SVIL: variants seen among roughly 807,000 people sequenced by gnomAD.
The protein encoded by SVIL is archvillin.
In SVIL, 101 loss-of-function variants were observed where a neutral mutation model predicts 240.4. That is an observed-to-expected ratio of 0.42 (90% CI 0.36 to 0.50). The LOEUF (loss-of-function observed/expected upper bound fraction) is 0.50, where lower values mean the gene tolerates loss of function less well. Ranked by LOEUF, SVIL falls within the 20% of genes least tolerant of loss-of-function variation. The pLI is 0.01. For missense variants in SVIL, 2,512 were observed against 2,818.7 expected, an observed-to-expected ratio of 0.89 and a Z score of 2.46; for synonymous variants, 999 against 1,100.0, an observed-to-expected ratio of 0.91 and a Z score of 1.82.
At chr10:29,660,284 G>A (rs369208955) in intron 2 of SVIL, among the ~76,000 whole-genome samples, 1 of 152,044 alleles carries the variant, frequency 6.6e-6, no homozygotes, top group South Asian at 2.1e-4. Flanking sequence ...GCTCCAGCTC[G>A]GGCAACAAAG....
rs539279893 is a variant in SVIL, at chr10:29,521,829, T to C, written c.3389+581A>G. On this transcript the variant is annotated intron_variant, in intron 16 of 37. Coordinates refer to ENST00000355867, the MANE Select transcript of SVIL (RefSeq NM_021738.3). ...GAAAGAAATTAGGCTACTGTGTTAT[T>C]TGATGCTGAAATGCAATCTTTCAAG... is the stretch of plus-strand genomic sequence containing the variant. Among the ~76,000 whole-genome samples, 12 of 152,364 alleles carry C rather than the reference T, an allele frequency of 7.9e-5. No homozygotes were observed. In the East Asian group the frequency reaches 1.7e-3, roughly 22 times the overall value.
intron 28 of SVIL, 150 bp from the exon 29 acceptor site, chr10:29,480,963 GCTGCATTTCCAGAAAGA>G: frequency 1.0e-6 from 1 of 995,326 alleles, no homozygotes; most frequent in Non-Finnish European, 1.5e-6. Flanking sequence ...TCAGGGAAAG[GCTGCATTTCCAGAAAGA>G]CTCTGGGAGG....
At chr10:29,559,730 C>T (rs761920293) in intron 3 of SVIL, among the ~76,000 whole-genome samples, 1 of 152,198 alleles carries the variant, frequency 6.6e-6, no homozygotes, top group Non-Finnish European at 1.5e-5. Flanking sequence ...CGGAGTGGTA[C>T]TACTGTGGCA....
chr10:29,499,438 T>C (rs1437489375), intron 17 of SVIL, among the ~76,000 whole-genome samples, 175 bp from the exon 18 acceptor site: 3 of 152,198 alleles, frequency 2.0e-5, no homozygotes, highest in African/African-American at 7.2e-5. Flanking sequence ...TACGTCCAGG[T>C]TGGGTGGAGA....
At chr10:29,575,523 T>G (rs1334080992) in intron 1 of SVIL, 1 of 153,078 alleles carries the variant, frequency 6.5e-6, no homozygotes, top group African/African-American at 2.4e-5. Flanking sequence ...AAGTAAACTA[T>G]AAATTCTGAT....
intron 1 of SVIL, among the ~76,000 whole-genome samples, chr10:29,710,215 G>A (rs552103586): frequency 9.5e-4 from 145 of 152,064 alleles, no homozygotes; most frequent in African/African-American, 3.2e-3. Flanking sequence ...CACCATGCCC[G>A]GCTACCTTTT....
intron 20 of SVIL, 30 bp from the exon 21 acceptor site, chr10:29,493,421 G>A (rs1477689808): frequency 1.9e-6 from 3 of 1,610,396 alleles, no homozygotes; most frequent in Admixed American, 3.3e-5. Flanking sequence ...AGACATAAGA[G>A]TTTTATAAAA....
chr10:29,498,446 A>G (rs1237366628), intron 18 of SVIL, among the ~76,000 whole-genome samples: 1 of 152,170 alleles, frequency 6.6e-6, no homozygotes, highest in Admixed American at 6.5e-5. Flanking sequence ...ATGGGAAAAG[A>G]CCAAAATTTG....
At chr10:29,462,511 A>G (rs1588774928) in intron 35 of SVIL, 110 bp from the exon 36 acceptor site, 2 of 1,430,456 alleles carry the variant, frequency 1.4e-6, no homozygotes, top group Non-Finnish European at 9.5e-7. Flanking sequence ...TCATGCTTAA[A>G]ATGCAAGTTA....
chr10:29,467,764 T>C lies in SVIL; in HGVS notation c.5955A>G (p.Lys1985=). The C allele has an allele frequency of 3.1e-6, 5 of 1,614,168 alleles. No homozygotes were observed. Among genetic ancestry groups the C allele is most frequent in the Non-Finnish European group, 4.2e-6 (5 of 1,180,026 alleles). The change falls in exon 33 of 38, where the codon AAA becomes AAG. Residue 1985 remains lysine, a synonymous_variant. Transcript: ENST00000355867. ...FWDALGRRDR[K]AYDCMLQDPG... is the part of the protein sequence containing the mutation. Reference sequence around the variant, plus strand: ...TACCTTGAAGCATGCAATCGTAGGCTTTCCTGTCTCTCCTTCCTAAGGCAT... The same window carrying C: ...TACCTTGAAGCATGCAATCGTAGGCCTTCCTGTCTCTCCTTCCTAAGGCAT...
chr10:29,656,120 C>T lies in SVIL; in HGVS notation c.-201+1849G>A, dbSNP rs376494783. Among the ~76,000 whole-genome samples, 54 of 151,326 alleles carry T rather than the reference C, an allele frequency of 3.6e-4. 1 individual carries two copies. In the Middle Eastern group the frequency reaches 0.014, roughly 39 times the overall value. Reference sequence around the variant, plus strand: ...TCCTGACCTCATGATCTGCCTGCCTCGGCCTCCCAAAGTGCTGGTATTACA... The same window carrying T: ...TCCTGACCTCATGATCTGCCTGCCTTGGCCTCCCAAAGTGCTGGTATTACA... On this transcript the variant is annotated intron_variant, in intron 3 of 35. Coordinates refer to the SVIL transcript ENST00000375400.
At position 29,509,330 on chromosome 10, in the gene SVIL, GGAGAGAGAGAGAGAGA is replaced by G. The variant is rs66616602; in HGVS notation, c.3516+3389_3516+3404del. Among the ~76,000 whole-genome samples, 394 of 66,914 alleles carry G rather than the reference GGAGAGAGAGAGAGAGA, an allele frequency of 5.9e-3. 8 individuals are homozygous for G. The highest frequency in any genetic ancestry group is 6.8e-3 in the Admixed American group (35 of 5,184). The allele number at this position is 66,914 out of a possible 152,430, so 43.9% of individuals were successfully genotyped here. On this transcript the variant is annotated intron_variant, in intron 17 of 37. Coordinates refer to ENST00000355867, the MANE Select transcript of SVIL (RefSeq NM_021738.3). ...GAGAGAAAGGGAGAAGGAGGGGGAGGGAGAGAGAGAGAGAGAGAGAGAGAGAGAGAGAGAGAGAGAG... is the reference window on the plus strand; with the variant it reads ...GAGAGAAAGGGAGAAGGAGGGGGAGGGAGAGAGAGAGAGAGAGAGAGAGAG...
rs752643282 is a variant in SVIL at position 29,524,563 on chromosome 10, G to A, written c.2495C>T (p.Ala832Val). 1.4e-5 allele frequency: 22 copies of A among 1,613,908 alleles called. No homozygotes were observed. The highest frequency in any genetic ancestry group is 1.2e-4 in the Admixed American group (7 of 59,986). The change falls in exon 14 of 38, where the codon GCG (alanine) becomes GTG (valine). Residue 832 changes from alanine (A) to valine (V), a missense_variant. Ala to Val is a moderately conservative substitution (Grantham distance 64). This residue lies in a region of SVIL where 1,443 missense variants were observed against 1,486.6 expected (regional missense o/e 0.97). Transcript: ENST00000355867. Reference sequence around the variant, plus strand: ...GTCTATTCTGTTCCGGGTAGAAATCGCTTTTGAGACTGGCTGGGACAATTT... The same window carrying A: ...GTCTATTCTGTTCCGGGTAGAAATCACTTTTGAGACTGGCTGGGACAATTT... Reference protein sequence around the residue: ...FNKLSQPVSKAISTRNRIDTR... With the variant: ...FNKLSQPVSKVISTRNRIDTR...
chr10:29,634,328 G>A (rs532950034), intron 1 of SVIL, 92 bp downstream of exon 1: 26 of 151,824 alleles, frequency 1.7e-4, no homozygotes, highest in African/African-American at 6.3e-4. Flanking sequence ...CAGGAAACAT[G>A]CTCAGACAGA....
chr10:29,495,844 A>T (rs1948403769), intron 18 of SVIL, among the ~76,000 whole-genome samples: 1 of 152,196 alleles, frequency 6.6e-6, no homozygotes, highest in Admixed American at 6.5e-5. Flanking sequence ...GAAAGGGAGG[A>T]ATTCCTGCAT....
intron 16 of SVIL, among the ~76,000 whole-genome samples, chr10:29,513,146 T>C (rs1949971214): frequency 6.6e-6 from 1 of 152,244 alleles, no homozygotes; most frequent in Non-Finnish European, 1.5e-5. Context: ...GTCTGTTCCT[T>C]GGCCTTGGGC....
intron 1 of SVIL, among the ~76,000 whole-genome samples, chr10:29,620,367 A>G (rs935400289): frequency 6.6e-6 from 1 of 152,116 alleles, no homozygotes; most frequent in Non-Finnish European, 1.5e-5. Flanking sequence ...GGGGAGAGAG[A>G]GCAAAAGGAA....
rs751113886 is a variant in SVIL, at chr10:29,462,332, G to A, written c.6347C>T (p.Thr2116Ile). 2.0e-5 allele frequency: 32 copies of A among 1,614,198 alleles called. No individual in the cohort carries two copies. In the Admixed American group the frequency reaches 5.2e-4, roughly 26 times the overall value. ...IHAGLEPLTF[T>I]NMFPSWEHRE... ...GTGCTCCCAGCTGGGAAACATATTGGTGAATGTCAGGGGCTCCAGACCAGC... is the reference window on the plus strand; with the variant it reads ...GTGCTCCCAGCTGGGAAACATATTGATGAATGTCAGGGGCTCCAGACCAGC... Residue 2116 changes from threonine (T) to isoleucine (I), a missense_variant, in exon 36 of 38, where the codon ACC becomes ATC. By Grantham distance (89) the Thr-to-Ile change is moderately conservative (BLOSUM62 -1). This residue lies in a region of SVIL where 797 missense variants were observed against 925.3 expected (regional missense o/e 0.86). Transcript: ENST00000355867.
chr10:29,578,212 A>G (rs895199375), intron 1 of SVIL, among the ~76,000 whole-genome samples: 7 of 152,226 alleles, frequency 4.6e-5, no homozygotes, highest in Non-Finnish European at 8.8e-5. Context: ...CACAACTCAG[A>G]GATAACTCTG....
Sources: allele counts gnomAD v4.1 joint callset (sites outside exome capture counted in the v4.1 genomes callset), GRCh38; gene constraint gnomAD v4.1.1; regional missense constraint gnomAD v4.1.1; transcripts MANE v1.5; gene names NCBI Gene and HGNC (gene_info 2026-07-23, HGNC 2026-07-21).